ARHGEF38: variants seen among roughly 807,000 people sequenced by gnomAD.
ARHGEF38 encodes Rho guanine nucleotide exchange factor (GEF) 38.
ARHGEF38 carries 79 observed loss-of-function variants against 79.9 expected under a neutral mutation model. That is an observed-to-expected ratio of 0.99 (90% CI 0.82 to 1.19). The LOEUF (loss-of-function observed/expected upper bound fraction) is 1.19, where lower values mean the gene tolerates loss of function less well. Among genes scored for constraint, ARHGEF38 ranks in the 50% most tolerant of loss-of-function variants. The pLI, the probability that ARHGEF38 is intolerant of heterozygous loss-of-function variation, is 0.00. For missense variants in ARHGEF38, 962 were observed against 907.2 expected (o/e 1.06, Z -0.78); for synonymous variants, 366 against 328.3 (o/e 1.11, Z -1.24).
intron 7 of ARHGEF38, among the ~76,000 whole-genome samples, chr4:105,652,769 T>G (rs912485939): frequency 6.6e-6 from 1 of 152,178 alleles, no homozygotes; most frequent in Non-Finnish European, 1.5e-5. Flanking sequence ...CTAGACTGAG[T>G]TGGAGCATAG....
chr4:105,681,684 C>T (rs139446178), downstream of ARHGEF38, among the ~76,000 whole-genome samples: 71 of 152,102 alleles, frequency 4.7e-4, 1 homozygote, highest in Admixed American at 4.6e-3. Context: ...TTGCAATGCT[C>T]GGCTTATAGA....
rs150843679 is a variant in ARHGEF38 at position 105,634,407 on chromosome 4, A to G, written c.657-1996A>G. On this transcript the variant is annotated intron_variant, in intron 4 of 13. Coordinates refer to ENST00000420470, the MANE Select transcript of ARHGEF38 (RefSeq NM_001242729.2). ...GCAAGTTTTTATTTATTCAACAAAA[A>G]GTTTTGACAGTCAAATTAGTGACCC... 2.0e-5 allele frequency among the ~76,000 whole-genome samples: 3 copies of G among 152,294 alleles called. No individual in the cohort carries two copies. In the East Asian group the frequency reaches 5.8e-4, roughly 29 times the overall value.
chr4:105,600,683 CT>C (rs1217741224), intron 2 of ARHGEF38, among the ~76,000 whole-genome samples: 1 of 152,164 alleles, frequency 6.6e-6, no homozygotes, highest in Non-Finnish European at 1.5e-5. Context: ...ACTCAAATCT[CT>C]ACTTAATTGT....
In ARHGEF38 at chr4:105,559,051, A is replaced by AG. The variant is rs57536077; in HGVS notation, c.196+6090_196+6091insG. 4.2e-4 allele frequency among the ~76,000 whole-genome samples: 9 copies of AG among 21,412 alleles called. No individual in the cohort carries two copies. The East Asian group carries it at 4.6e-3, about 11-fold the overall frequency. 14.0% of individuals were successfully genotyped at this position (21,412 alleles called of 152,430 possible). A position where few individuals can be genotyped will look rare whatever the true frequency, so the allele number is the denominator to read the frequency against. ...TTTGTTTCTGTTGACACAGGAAAAGAAAAAAAAAAACCTCTGTTTACAGAA... is the reference window on the plus strand; with the variant it reads ...TTTGTTTCTGTTGACACAGGAAAAGAGAAAAAAAAAACCTCTGTTTACAGAA... On this transcript the variant is annotated intron_variant, in intron 1 of 13. Transcript: ENST00000420470.
intron 7 of ARHGEF38, among the ~76,000 whole-genome samples, chr4:105,652,628 G>A (rs1578349493): frequency 6.6e-6 from 1 of 152,170 alleles, no homozygotes; most frequent in Non-Finnish European, 1.5e-5. Context: ...TTCTCACAGT[G>A]TGATTCTTGA....
rs969746123 is a variant in ARHGEF38 at position 105,678,456 on chromosome 4, A to G, written c.*519A>G. 6.6e-6 allele frequency: 1 copy of G among 152,248 alleles called. No homozygotes were observed. The highest frequency in any genetic ancestry group is 1.5e-5 in the Non-Finnish European group (1 of 68,070). 9.4% of individuals were successfully genotyped at this position (152,248 alleles called of 1,614,324 possible). On this transcript the variant is annotated 3_prime_UTR_variant, in exon 14 of 14. Transcript: ENST00000420470. ...ATAAATCAGAGTATACACCAAATAT[A>G]CATAAGAAGAATATACCACCAACTA...
chr4:105,619,174 T>C (rs1728634512), intron 3 of ARHGEF38, among the ~76,000 whole-genome samples: 1 of 152,010 alleles, frequency 6.6e-6, no homozygotes, highest in Non-Finnish European at 1.5e-5. Flanking sequence ...AATATCCTTA[T>C]CCTTTGTATC....
chr4:105,627,177 T>C (rs992250888), intron 3 of ARHGEF38, among the ~76,000 whole-genome samples: 2 of 152,168 alleles, frequency 1.3e-5, no homozygotes, highest in Non-Finnish European at 2.9e-5. Context: ...ATGATGATCA[T>C]CGAGTAATTT....
In ARHGEF38 at chr4:105,621,129, A is replaced by G. The variant is rs181558705; in HGVS notation, c.508+7622A>G. 7.9e-4 allele frequency among the ~76,000 whole-genome samples: 121 copies of G among 152,350 alleles called. 1 individual carries two copies. The highest frequency in any genetic ancestry group is 1.5e-3 in the East Asian group (8 of 5,186). ...ATTTGTGAAATTAGTCATCTCGGAC[A>G]TTAAAACCCAGATAAGTCCTTGGAT... On this transcript the variant is annotated intron_variant, in intron 3 of 13. Transcript: ENST00000420470.
intron 13 of ARHGEF38, among the ~76,000 whole-genome samples, chr4:105,674,974 A>G (rs1731069712): frequency 6.6e-6 from 1 of 152,212 alleles, no homozygotes; most frequent in African/African-American, 2.4e-5. Flanking sequence ...AAAGATGATT[A>G]CCAACCACTA....
In ARHGEF38 at chr4:105,679,571, C is replaced by G. The variant is rs1476644662; in HGVS notation, c.*1634C>G. The G allele has an allele frequency of 1.0e-6, 1 of 1,001,476 alleles. No homozygotes were observed. Among genetic ancestry groups the G allele is most frequent in the African/African-American group, 1.6e-5 (1 of 63,058 alleles). The allele number at this position is 1,001,476 out of a possible 1,614,324, so 62.0% of individuals were successfully genotyped here. On this transcript the variant is annotated 3_prime_UTR_variant, in exon 14 of 14. Transcript: ENST00000420470. Reference sequence around the variant, plus strand: ...CAGCCAATGCATCTATCGCCCCTTTCTCTTCTATCAGTATCTGAGCTGATG... The same window carrying G: ...CAGCCAATGCATCTATCGCCCCTTTGTCTTCTATCAGTATCTGAGCTGATG...
At chr4:105,573,068 C>T (rs980445542) in intron 1 of ARHGEF38, among the ~76,000 whole-genome samples, 2 of 151,932 alleles carry the variant, frequency 1.3e-5, no homozygotes, top group African/African-American at 2.4e-5. Context: ...TGCCTTTGCT[C>T]ATTTTTTATT....
chr4:105,584,192 A>G (rs1663573423), intron 1 of ARHGEF38, among the ~76,000 whole-genome samples: 4 of 152,220 alleles, frequency 2.6e-5, no homozygotes, highest in Admixed American at 1.3e-4. Context: ...AAGAATATGT[A>G]TATGAGCTTG....
chr4:105,681,158 G>T (rs1382712608), downstream of ARHGEF38, among the ~76,000 whole-genome samples: 1 of 151,890 alleles, frequency 6.6e-6, no homozygotes, highest in African/African-American at 2.4e-5. Flanking sequence ...TACATATAGG[G>T]TAAACAGACA....
At position 105,594,937 on chromosome 4, in the gene ARHGEF38, G is replaced by A. The variant is rs1275779526; in HGVS notation, c.384+5502G>A. On this transcript the variant is annotated intron_variant, in intron 2 of 13. Coordinates refer to ENST00000420470, the MANE Select transcript of ARHGEF38 (RefSeq NM_001242729.2). ...TCTAGTTATTTATTATCCAAACAGG[G>A]CAGTGAGAGATACTCTATGTTTTTG... 5.3e-5 allele frequency among the ~76,000 whole-genome samples: 8 copies of A among 152,260 alleles called. No individual in the cohort carries two copies. In the East Asian group the frequency reaches 1.5e-3, roughly 29 times the overall value.
At chr4:105,595,710 TAC>T (rs1367755849) in intron 2 of ARHGEF38, among the ~76,000 whole-genome samples, 1 of 152,208 alleles carries the variant, frequency 6.6e-6, no homozygotes, top group Admixed American at 6.5e-5. Context: ...ACACATAACC[TAC>T]ACACATCCTA....
intron 13 of ARHGEF38, among the ~76,000 whole-genome samples, chr4:105,672,428 T>G (rs914537175): frequency 6.6e-6 from 1 of 152,212 alleles, no homozygotes; most frequent in Non-Finnish European, 1.5e-5. Context: ...ATTCACAACC[T>G]GGCAGTACTG....
At chr4:105,600,026 G>T (rs1418473280) in intron 2 of ARHGEF38, among the ~76,000 whole-genome samples, 1 of 152,160 alleles carries the variant, frequency 6.6e-6, no homozygotes, top group African/African-American at 2.4e-5. Context: ...CTTCCAGACA[G>T]ATTAACTGAG....
rs137967878 is a variant in ARHGEF38, at chr4:105,554,045, A to G, written c.196+1084A>G. Among the ~76,000 whole-genome samples, 811 of 152,262 alleles carry G rather than the reference A, an allele frequency of 5.3e-3. 3 individuals carry two copies. The highest frequency in any genetic ancestry group is 0.036 in the East Asian group (188 of 5,182). On this transcript the variant is annotated intron_variant, in intron 1 of 13. Coordinates refer to ENST00000420470, the MANE Select transcript of ARHGEF38 (RefSeq NM_001242729.2). ...AAATTATTACTATAAGTTAATGTGTAAAAATAAAAAAAAAATTACCAGTAG... is the reference window on the plus strand; with the variant it reads ...AAATTATTACTATAAGTTAATGTGTGAAAATAAAAAAAAAATTACCAGTAG...
Sources: gnomAD v4.1 joint callset for allele counts (sites outside exome capture counted in the v4.1 genomes callset) on GRCh38, gnomAD v4.1.1 for gene constraint, MANE v1.5 for transcripts, NCBI Gene and HGNC (gene_info 2026-07-23, HGNC 2026-07-21) for gene names.